ZIC3: variants seen among roughly 807,000 people sequenced by gnomAD.
ZIC3 encodes zinc finger protein ZIC 3.
Under a neutral mutation model 18.3 loss-of-function variants are expected in ZIC3, and 6 were observed. The observed-to-expected ratio is 0.33, with a 90% CI of 0.18 to 0.65. The LOEUF is 0.65. Among genes scored for constraint, ZIC3 ranks in the 30% least tolerant of loss-of-function variants. The pLI is 0.75. For missense variants in ZIC3, 260 were observed against 410.0 expected (o/e 0.63, Z 3.16); for synonymous variants, 175 against 177.0 (o/e 0.99, Z 0.09).
chrX:137,577,471 G>A, exon 3 of ZIC3: 1 of 305,027 alleles, frequency 3.3e-6, no homozygotes, highest in East Asian at 5.0e-5. Flanking sequence ...GGAAGATGGA[G>A]GTGAAGACTG....
chrX:137,568,689 CCA>C, intron 1 of ZIC3: 1 of 106,996 alleles, frequency 9.3e-6, no homozygotes, highest in Non-Finnish European at 1.7e-5. Flanking sequence ...CGGCCCCGCC[CCA>C]CCCCCACCCC....
chrX:137,567,678 A>G lies in ZIC3; in HGVS notation c.987A>G (p.Pro329=), dbSNP rs1174861392. 1 of 1,212,042 alleles carries G rather than the reference A, an allele frequency of 8.3e-7. No individual in the cohort carries two copies. The change falls in exon 1 of 3, where the codon CCA becomes CCG. Residue 329 remains proline (P), a synonymous_variant. Transcript: ENST00000287538. ...IRVHTGEKPF[P]CPFPGCGKIF... is the part of the protein sequence containing the mutation. ...TGCACACGGGCGAGAAGCCCTTCCCATGCCCCTTCCCGGGCTGCGGGAAGA... is the reference window on the plus strand; with the variant it reads ...TGCACACGGGCGAGAAGCCCTTCCCGTGCCCCTTCCCGGGCTGCGGGAAGA...
Position 137,566,986 on chromosome X carries a change from A to T in ZIC3, c.295A>T (p.Ser99Cys). 1 of 1,167,252 alleles carries T rather than the reference A, an allele frequency of 8.6e-7. No individual in the cohort carries two copies. Among genetic ancestry groups the T allele is most frequent in the Non-Finnish European group, 1.1e-6 (1 of 873,090 alleles). ...HHHHHHHHHT[S>C]QVPSYGGAAS... ...CCACCATCACCATCATCACCACACC[A>T]GCCAGGTGCCCAGCTACGGTGGCGC... Residue 99 changes from serine (S) to cysteine (C), a missense_variant, in exon 1 of 3, where the codon AGC (serine) becomes TGC (cysteine). This residue lies in a region of ZIC3 where 183 missense variants were observed against 223.8 expected (regional missense o/e 0.82). Coordinates refer to ENST00000287538, the MANE Select transcript of ZIC3 (RefSeq NM_003413.4).
Position 137,570,204 on chromosome X carries a change from TC to T in ZIC3, c.*136del. 2.5e-6 allele frequency: 2 copies of T among 802,637 alleles called. No individual in the cohort carries two copies. The highest frequency in any genetic ancestry group is 3.7e-6 in the Non-Finnish European group (2 of 540,787). The allele number at this position is 802,637 out of a possible 1,213,427, so 66.1% of individuals were successfully genotyped here. A position where few individuals can be genotyped will look rare whatever the true frequency, so the allele number is the denominator to read the frequency against. On this transcript the variant is annotated 3_prime_UTR_variant, in exon 3 of 3. Transcript: ENST00000287538. Reference sequence around the variant, plus strand: ...GGCTACATCTTGTTAATTGCAATTGTCCAGGAAGGTTTTGGGCAAGATCCAA... The same window carrying T: ...GGCTACATCTTGTTAATTGCAATTGTCAGGAAGGTTTTGGGCAAGATCCAA...
Position 137,567,210 on chromosome X carries a change from G to A in ZIC3, c.519G>A (p.Pro173=), listed in dbSNP as rs1187146646. The A allele has an allele frequency of 7.4e-6, 9 of 1,209,718 alleles. No individual in the cohort carries two copies. Among genetic ancestry groups the A allele is most frequent in the Non-Finnish European group, 1.0e-5 (9 of 894,526 alleles). The change falls in exon 1 of 3, where the codon CCG becomes CCA. Residue 173 remains proline (P), a synonymous_variant. Transcript: ENST00000287538. ...TGCATGAGCAGGGCGCTGGGCACCC[G>A]TCGCCCACAGGGCACGTGGACAACA... ...PGLHEQGAGH[P]SPTGHVDNNQ...
At chrX:137,573,157 AAAACC>A (rs1318392898), downstream of ZIC3, among the ~76,000 whole-genome samples, 7 of 69,732 alleles carry the variant, frequency 1.0e-4, no homozygotes, top group African/African-American at 2.8e-4. Flanking sequence ...AAAAAAAAAA[AAAACC>A]AAACAAACCA....
Position 137,566,924 on chromosome X carries a change from G to T in ZIC3, c.233G>T (p.Gly78Val), listed in dbSNP as rs2124183463. The change falls in exon 1 of 3, where the codon GGT (glycine) becomes GTT (valine). Residue 78 changes from glycine (G) to valine (V), a missense_variant. Gly to Val is a moderately radical substitution (Grantham distance 109, BLOSUM62 -3). Transcript: ENST00000287538. ...SGQSSAFTPQ[G>V]SGYANALGHH... Reference sequence around the variant, plus strand: ...CAGAGCTCGGCTTTCACGCCGCAGGGTTCGGGCTACGCCAACGCCCTGGGC... The same window carrying T: ...CAGAGCTCGGCTTTCACGCCGCAGGTTTCGGGCTACGCCAACGCCCTGGGC... 1 of 1,166,212 alleles carries T rather than the reference G, an allele frequency of 8.6e-7. No individual in the cohort carries two copies. Among genetic ancestry groups the T allele is most frequent in the East Asian group, 3.3e-5 (1 of 30,767 alleles).
At chrX:137,568,768 T>C (rs1391067451) in intron 1 of ZIC3, 134 bp from the exon 2 acceptor site, 3 of 587,502 alleles carry the variant, frequency 5.1e-6, no homozygotes, top group Admixed American at 2.7e-5. Flanking sequence ...CCAGGGAAAA[T>C]AGATGCAGCA....
At chrX:137,567,798 G>A (rs1490103903) in intron 1 of ZIC3, 47 bp downstream of exon 1, 10 of 1,210,350 alleles carry the variant, frequency 8.3e-6, no homozygotes, top group Non-Finnish European at 1.1e-5. Flanking sequence ...GCGATACCCC[G>A]TCACGCAGCG....
chrX:137,569,192 A>ATTTGCTC (rs1263068464), intron 2 of ZIC3, 127 bp downstream of exon 2: 5 of 495,464 alleles, frequency 1.0e-5, no homozygotes, highest in Non-Finnish European at 1.5e-5. Context: ...TCCAGCAGTG[A>ATTTGCTC]CACCTTGAAC....
Position 137,567,324 on chromosome X carries a change from G to A in ZIC3, c.633G>A (p.Ala211=). 2 of 1,211,408 alleles carry A rather than the reference G, an allele frequency of 1.7e-6. No individual in the cohort carries two copies. Among genetic ancestry groups the A allele is most frequent in the Non-Finnish European group, 2.2e-6 (2 of 895,570 alleles). Residue 211 remains alanine (A), a synonymous_variant, in exon 1 of 3, where the codon GCG becomes GCA. Transcript: ENST00000287538. ...CCAGCCCGCGCACGGACCCCTACGC[G>A]GCCGGCGCTCAGTTTCCTAACTACA... ...PVASPRTDPY[A]AGAQFPNYSP... is the part of the protein sequence containing the mutation.
At chrX:137,577,036 C>A (rs951010908), downstream of ZIC3, 4 of 441,198 alleles carry the variant, frequency 9.1e-6, no homozygotes, top group African/African-American at 7.3e-5. Context: ...ACAACATATT[C>A]ATGTGACATT....
In ZIC3 at chrX:137,569,767, A is replaced by AT. The variant is rs751982079; in HGVS notation, c.1225-119dup. ...GTAATACGGATTTTTTTTAAGCAGC[A>AT]TTTTTCTTTTAAGTGGGTCACTGGG... On this transcript the variant is annotated intron_variant, in intron 2 of 2. Transcript: ENST00000287538. 9.7e-5 allele frequency: 65 copies of AT among 666,844 alleles called. No individual in the cohort carries two copies. The South Asian group carries it at 2.0e-3, about 20-fold the overall frequency. The allele number at this position is 666,844 out of a possible 1,213,427, so 55.0% of individuals were successfully genotyped here.
In ZIC3 at chrX:137,571,856, T is replaced by C. The variant is rs1032773072; in HGVS notation, c.*1786T>C. The stretch of plus-strand genomic sequence containing the variant: ...GAGTGGGTAGAGTATTGAGACCTTT[T>C]TTATTAGGGTGCTGTTTGTTATTGA... On this transcript the variant is annotated 3_prime_UTR_variant, in exon 3 of 3. Transcript: ENST00000287538. Among the ~76,000 whole-genome samples the C allele has an allele frequency of 2.7e-4, 30 of 111,713 alleles. No individual in the cohort carries two copies. Among genetic ancestry groups the C allele is most frequent in the African/African-American group, 9.1e-4 (28 of 30,733 alleles).
downstream of ZIC3, among the ~76,000 whole-genome samples, chrX:137,574,283 G>C (rs916394311): frequency 1.8e-5 from 2 of 113,651 alleles, no homozygotes; most frequent in Non-Finnish European, 3.7e-5. Flanking sequence ...GGCCCCTCCA[G>C]CCTTTTCGCA....
chrX:137,573,651 G>C (rs924819360), downstream of ZIC3: 1 of 112,909 alleles, frequency 8.9e-6, no homozygotes, highest in African/African-American at 3.2e-5. Context: ...CGCCAGCAGC[G>C]TGCCCATCGC....
chrX:137,569,204 C>A, intron 2 of ZIC3, 139 bp downstream of exon 2: 4 of 191,013 alleles, frequency 2.1e-5, no homozygotes, highest in Non-Finnish European at 3.4e-5. Context: ...ACCTTGAACC[C>A]ATTTTGGGGA....
chrX:137,577,309 G>C lies in ZIC3; in HGVS notation c.*38G>C, dbSNP rs770180062. The C allele has an allele frequency of 9.6e-5, 47 of 491,616 alleles. No homozygotes were observed. In the Middle Eastern group the frequency reaches 5.2e-3, roughly 54 times the overall value. 40.5% of individuals were successfully genotyped at this position (491,616 alleles called of 1,213,427 possible). On this transcript the variant is annotated 3_prime_UTR_variant, in exon 3 of 3. Coordinates refer to the ZIC3 transcript ENST00000370606. ...GAAAACCACATCAATTTGGATGTCT[G>C]TTACCTTGAAGTGATCATTTTAAGA...
chrX:137,577,104 T>G (rs909668389), intron 2 of ZIC3: 2 of 507,726 alleles, frequency 3.9e-6, no homozygotes, highest in Non-Finnish European at 7.2e-6. Flanking sequence ...TGCAGTTCAC[T>G]TTTTGTTTTT....
Sources: gnomAD v4.1 joint callset for allele counts (sites outside exome capture counted in the v4.1 genomes callset) on GRCh38, gnomAD v4.1.1 for gene constraint, gnomAD v4.1.1 regional missense constraint, MANE v1.5 for transcripts, NCBI Gene and HGNC (gene_info 2026-07-23, HGNC 2026-07-21) for gene names.